The following TVP23A variants were observed in gnomAD, a reference collection of about 807,000 sequenced individuals.
TVP23A encodes trans-golgi network vesicle protein 23 homolog A.
Under a neutral mutation model 31.7 loss-of-function variants are expected in TVP23A, and 21 were observed. The observed-to-expected ratio is 0.66, with a 90% CI of 0.47 to 0.95. TVP23A has a LOEUF of 0.95. TVP23A is among the 40% of genes least tolerant of loss of function. The probability of loss-of-function intolerance (pLI) is 0.00; values close to 1 mark genes in which losing one functional copy is unlikely to be tolerated. For synonymous variants in TVP23A, 104 were observed against 96.0 expected (o/e 1.08, Z -0.49); for missense variants, 279 against 255.6 (o/e 1.09, Z -0.62).
chr16:10,797,498 G>A (rs373833846), intron 2 of TVP23A, among the ~76,000 whole-genome samples: 13 of 151,624 alleles, frequency 8.6e-5, no homozygotes, highest in Admixed American at 2.0e-4. Context: ...GTTGTGGTGA[G>A]CTGAGATCAC....
At chr16:10,788,685 C>T (rs943597328) in intron 2 of TVP23A, among the ~76,000 whole-genome samples, 1 of 152,194 alleles carries the variant, frequency 6.6e-6, no homozygotes, top group African/African-American at 2.4e-5. Flanking sequence ...ATCTGAGAAG[C>T]AGATGTTCAG....
At chr16:10,763,303 G>A (rs1038137786), downstream of TVP23A, among the ~76,000 whole-genome samples, 8 of 152,160 alleles carry the variant, frequency 5.3e-5, no homozygotes, top group Non-Finnish European at 5.9e-5. Context: ...TGCAGAAAGC[G>A]GGAGCCAGGA....
At chr16:10,770,102 G>A (rs990776452) in intron 7 of TVP23A, among the ~76,000 whole-genome samples, 170 bp downstream of exon 7, 2 of 152,264 alleles carry the variant, frequency 1.3e-5, no homozygotes, top group African/African-American at 4.8e-5. Context: ...CAATGAGGCT[G>A]CAAAGCCCAG....
intron 2 of TVP23A, among the ~76,000 whole-genome samples, chr16:10,814,286 T>A (rs2034335636): frequency 6.6e-6 from 1 of 152,148 alleles, no homozygotes; most frequent in African/African-American, 2.4e-5. Context: ...GATCTCTGAT[T>A]GCAGCCCTGG....
At position 10,770,278 on chromosome 16, in the gene TVP23A, C is replaced by G. The variant is rs527491798; in HGVS notation, c.636G>C (p.Gln212His). The change falls in exon 7 of 8, where the codon CAG becomes CAC. Residue 212 changes from glutamine (Q) to histidine (H), a missense_variant. Transcript: ENST00000299866. ...KPGLEGLEIHQH is the reference protein window; with the variant it reads ...KPGLEGLEIHHH ...GCCATGATCCATTTCTCACCTAATG[C>G]TGGTGAATCTCCAGCCCCTCGAGGC... 52 of 1,551,032 alleles carry G rather than the reference C, an allele frequency of 3.4e-5. No homozygotes were observed. In the East Asian group the frequency reaches 1.2e-3, roughly 35 times the overall value.
At chr16:10,769,357 C>G (rs555690275) in intron 7 of TVP23A, 4 of 416,474 alleles carry the variant, frequency 9.6e-6, no homozygotes, top group Non-Finnish European at 1.7e-5. Context: ...ATCTCTCCCC[C>G]GAGGCCTGTT....
chr16:10,771,376 A>T (rs1001539642), intron 6 of TVP23A, among the ~76,000 whole-genome samples: 3 of 151,924 alleles, frequency 2.0e-5, no homozygotes, highest in African/African-American at 7.3e-5. Flanking sequence ...CTTCGTCTCT[A>T]CAAAAAAAAA....
intron 6 of TVP23A, 130 bp from the exon 7 acceptor site, chr16:10,770,461 T>A: frequency 4.1e-6 from 4 of 966,046 alleles, no homozygotes; most frequent in Non-Finnish European, 6.0e-6. Context: ...TGTCTTGGCA[T>A]AAAGCAGTGC....
Position 10,769,262 on chromosome 16 carries a change from A to AC in TVP23A, c.*1-162_*1-161insG, listed in dbSNP as rs2031350945. On this transcript the variant is annotated intron_variant, in intron 7 of 7. Coordinates refer to ENST00000299866, the MANE Select transcript of TVP23A (RefSeq NM_001079512.4). ...CCACTTTCTCAGAGACACTTTAATC[A>AC]TTGAGTATTTGTACACTTTTCTTTA... The AC allele has an allele frequency of 4.9e-6, 3 of 618,274 alleles. No homozygotes were observed. In the African/African-American group the frequency reaches 5.6e-5, roughly 11 times the overall value. The allele number at this position is 618,274 out of a possible 1,614,324, so 38.3% of individuals were successfully genotyped here. A position where few individuals can be genotyped will look rare whatever the true frequency, so the allele number is the denominator to read the frequency against.
chr16:10,788,541 G>A (rs1567294952), intron 2 of TVP23A, among the ~76,000 whole-genome samples: 1 of 152,230 alleles, frequency 6.6e-6, no homozygotes, highest in Non-Finnish European at 1.5e-5. Context: ...CCCGAAGTCC[G>A]GTGGTGACAA....
chr16:10,808,494 C>G, intron 2 of TVP23A: 1 of 454,376 alleles, frequency 2.2e-6, no homozygotes, highest in Non-Finnish European at 4.4e-6. Flanking sequence ...TGAACAAGGA[C>G]CAACCAAGAA....
intron 2 of TVP23A, among the ~76,000 whole-genome samples, chr16:10,789,746 G>C (rs2032989072): frequency 6.6e-6 from 1 of 150,760 alleles, no homozygotes; most frequent in African/African-American, 2.4e-5. Flanking sequence ...GAGGCAAAAG[G>C]CTTGAACCCA....
rs147535477 is a variant in TVP23A, at chr16:10,767,546, A to G, written c.*1556T>C. The stretch of plus-strand genomic sequence containing the variant: ...ATCTTTCTGGAAAGACACCTAGAAC[A>G]CTAGTAGCCCTTTTCGGACTTGGCC... On this transcript the variant is annotated 3_prime_UTR_variant, in exon 8 of 8. Transcript: ENST00000299866. This position sits in a 1 kb window ranked among gnomAD's most constrained non-coding sequence, Gnocchi z 4.6. 1.7e-3 allele frequency: 777 copies of G among 446,906 alleles called. 10 individuals are homozygous for G. Among genetic ancestry groups the G allele is most frequent in the African/African-American group, 0.014 (713 of 49,882 alleles). 27.7% of individuals were successfully genotyped at this position (446,906 alleles called of 1,614,324 possible).
At chr16:10,816,532 C>G (rs1392038402) in intron 2 of TVP23A, among the ~76,000 whole-genome samples, 1 of 152,080 alleles carries the variant, frequency 6.6e-6, no homozygotes, top group Admixed American at 6.6e-5. Context: ...CAGGGTTTCA[C>G]CATGTTGGCC....
intron 2 of TVP23A, among the ~76,000 whole-genome samples, chr16:10,802,562 G>T (rs115626012): frequency 0.034 from 5,219 of 152,204 alleles, 205 homozygotes; most frequent in East Asian, 0.16. Context: ...TTACAGGTGT[G>T]AGCCAGTGCA....
chr16:10,785,433 G>C (rs1164486464), intron 2 of TVP23A, among the ~76,000 whole-genome samples: 6 of 152,080 alleles, frequency 3.9e-5, no homozygotes, highest in Non-Finnish European at 7.4e-5. Flanking sequence ...ATTTATAAAA[G>C]TGGGTGGACA....
intron 2 of TVP23A, among the ~76,000 whole-genome samples, chr16:10,797,725 A>C (rs964088197): frequency 6.6e-6 from 1 of 152,096 alleles, no homozygotes; most frequent in Non-Finnish European, 1.5e-5. Flanking sequence ...GTCTCTAAAA[A>C]AAAAATCATT....
chr16:10,789,991 G>C (rs533658235), intron 2 of TVP23A, among the ~76,000 whole-genome samples: 2 of 152,174 alleles, frequency 1.3e-5, no homozygotes, highest in South Asian at 2.1e-4. Context: ...TAAAGACCTG[G>C]GATCAATAGA....
chr16:10,793,374 G>C (rs1419256470), intron 2 of TVP23A, among the ~76,000 whole-genome samples: 1 of 152,170 alleles, frequency 6.6e-6, no homozygotes, highest in African/African-American at 2.4e-5. Context: ...ACAAGTTGGG[G>C]GGGTGCCTCT....
Sources: allele counts gnomAD v4.1 joint callset (sites outside exome capture counted in the v4.1 genomes callset), GRCh38; gene constraint gnomAD v4.1.1; non-coding constraint Gnocchi (gnomAD v3.1); transcripts MANE v1.5; gene names NCBI Gene and HGNC (gene_info 2026-07-23, HGNC 2026-07-21).